The following KCNH1 variants were observed in gnomAD, a reference collection of about 807,000 sequenced individuals.
KCNH1 encodes potassium voltage-gated channel subfamily H member 1.
A neutral mutation model predicts 69.2 loss-of-function variants in KCNH1; 27 were observed. That is an observed-to-expected ratio of 0.39 (90% CI 0.29 to 0.54). KCNH1 has a LOEUF of 0.54. Ranked by LOEUF, KCNH1 falls within the 20% of genes least tolerant of loss-of-function variation. KCNH1 has a pLI of 0.68. For synonymous variants in KCNH1, 456 were observed against 487.7 expected, an observed-to-expected ratio of 0.93 and a Z score of 0.86; for missense variants, 798 against 1,261.6, an observed-to-expected ratio of 0.63 and a Z score of 5.57.
At chr1:211,020,644 G>A (rs2102415183) in intron 5 of KCNH1, among the ~76,000 whole-genome samples, 1 of 152,144 alleles carries the variant, frequency 6.6e-6, no homozygotes, top group Non-Finnish European at 1.5e-5. Context: ...CAATCTATGA[G>A]TCCAGCATTA....
chr1:211,001,101 G>T (rs975955530), intron 6 of KCNH1, among the ~76,000 whole-genome samples: 19 of 152,116 alleles, frequency 1.2e-4, no homozygotes, highest in African/African-American at 4.3e-4. Context: ...ACGTAGGCAT[G>T]GGCAAGGACT....
At chr1:210,734,781 G>A (rs758065087) in intron 10 of KCNH1, among the ~76,000 whole-genome samples, 22 of 152,096 alleles carry the variant, frequency 1.4e-4, no homozygotes, top group African/African-American at 2.9e-4. Flanking sequence ...GAGGGTACCC[G>A]TTTGAACAAA....
chr1:210,865,834 C>T (rs1440155452), intron 7 of KCNH1, among the ~76,000 whole-genome samples: 2 of 152,140 alleles, frequency 1.3e-5, no homozygotes, highest in African/African-American at 4.8e-5. Flanking sequence ...TATTTTGAAA[C>T]TTGGCCTAGA....
chr1:210,748,927 T>C (rs1254066630), intron 10 of KCNH1, among the ~76,000 whole-genome samples: 1 of 152,188 alleles, frequency 6.6e-6, no homozygotes, highest in Non-Finnish European at 1.5e-5. Flanking sequence ...CTGCTCCCAC[T>C]GCCCCAGGCT....
intron 10 of KCNH1, among the ~76,000 whole-genome samples, chr1:210,691,524 C>T (rs893202527): frequency 2.0e-5 from 3 of 152,172 alleles, no homozygotes; most frequent in African/African-American, 7.2e-5. Context: ...GAGTCCCTGC[C>T]CACACCATGT....
At chr1:210,695,730 G>T (rs1681624638) in intron 10 of KCNH1, among the ~76,000 whole-genome samples, 2 of 139,460 alleles carry the variant, frequency 1.4e-5, no homozygotes, top group Admixed American at 1.5e-4. Flanking sequence ...TTATAATTTG[G>T]AAATAATATG....
chr1:211,058,686 G>A (rs182997666), intron 5 of KCNH1, among the ~76,000 whole-genome samples: 1 of 151,932 alleles, frequency 6.6e-6, no homozygotes, highest in African/African-American at 2.4e-5. Flanking sequence ...AAAGAAGGAA[G>A]ACCACAAAAC....
chr1:210,778,583 A>G (rs532029281), intron 9 of KCNH1, among the ~76,000 whole-genome samples: 9 of 152,048 alleles, frequency 5.9e-5, no homozygotes, highest in African/African-American at 2.2e-4. Flanking sequence ...CCAGCAGAAC[A>G]TCACAAATCA....
chr1:210,954,079 C>T (rs1379431963), intron 6 of KCNH1, among the ~76,000 whole-genome samples: 11 of 151,988 alleles, frequency 7.2e-5, no homozygotes, highest in Admixed American at 7.2e-4. Flanking sequence ...AGACAGGCCC[C>T]AGTGTGTGAT....
intron 7 of KCNH1, among the ~76,000 whole-genome samples, chr1:210,818,332 C>G (rs1684860577): frequency 6.6e-6 from 1 of 152,122 alleles, no homozygotes; most frequent in Non-Finnish European, 1.5e-5. Flanking sequence ...ACATATTTCT[C>G]ATTCACAAAG....
At chr1:210,913,574 T>G (rs1687277818) in intron 7 of KCNH1, among the ~76,000 whole-genome samples, 1 of 152,198 alleles carries the variant, frequency 6.6e-6, no homozygotes, top group South Asian at 2.1e-4. Flanking sequence ...AAATAGAGGA[T>G]ACAGCCCAAA....
chr1:210,893,647 A>T (rs1445572826), intron 7 of KCNH1, among the ~76,000 whole-genome samples: 1 of 151,696 alleles, frequency 6.6e-6, no homozygotes, highest in African/African-American at 2.4e-5. Context: ...TTTATTTTTT[A>T]AATTATAAAA....
chr1:210,996,732 C>T (rs1478155253), intron 6 of KCNH1, among the ~76,000 whole-genome samples: 1 of 152,242 alleles, frequency 6.6e-6, no homozygotes, highest in African/African-American at 2.4e-5. Context: ...GGAGGCACCC[C>T]CCAGTAGGGG....
chr1:211,030,702 T>C (rs1253385024), intron 5 of KCNH1, among the ~76,000 whole-genome samples: 1 of 152,098 alleles, frequency 6.6e-6, no homozygotes, highest in Non-Finnish European at 1.5e-5. Context: ...CTAGGCAAAC[T>C]GTTCTTAGAT....
intron 7 of KCNH1, among the ~76,000 whole-genome samples, chr1:210,857,851 T>G (rs188800262): frequency 2.1e-4 from 32 of 152,270 alleles, no homozygotes; most frequent in African/African-American, 7.7e-4. Flanking sequence ...ACGCTGTCTT[T>G]TTGCTGGCTT....
intron 2 of KCNH1, among the ~76,000 whole-genome samples, chr1:211,105,541 G>T (rs751027088): frequency 6.6e-6 from 1 of 152,192 alleles, no homozygotes; most frequent in Non-Finnish European, 1.5e-5. Context: ...AACATAGCTA[G>T]CACAAAGGTA....
chr1:210,830,183 G>T (rs993233515), intron 7 of KCNH1, among the ~76,000 whole-genome samples: 1 of 151,992 alleles, frequency 6.6e-6, no homozygotes, highest in South Asian at 2.1e-4. Flanking sequence ...CTTTGCATGG[G>T]CCACTCCCTC....
intron 7 of KCNH1, among the ~76,000 whole-genome samples, chr1:210,823,964 C>CTTTTTGTTGTTGTTG (rs145869968): frequency 5.3e-5 from 3 of 56,288 alleles, no homozygotes; most frequent in Admixed American, 3.6e-4. Context: ...GGCTTTTTTA[C>CTTTTTGTTGTTGTTG]TTGTTGTTGT....
intron 7 of KCNH1, among the ~76,000 whole-genome samples, chr1:210,855,197 T>G (rs1269363422): frequency 1.3e-5 from 2 of 151,868 alleles, no homozygotes; most frequent in Non-Finnish European, 2.9e-5. Flanking sequence ...GCAAAAACAC[T>G]CATTGACAGC....
Sources: allele counts gnomAD v4.1 joint callset (sites outside exome capture counted in the v4.1 genomes callset), GRCh38; gene constraint gnomAD v4.1.1; transcripts MANE v1.5; gene names NCBI Gene and HGNC (gene_info 2026-07-23, HGNC 2026-07-21).